The following AK3 variants were observed in gnomAD, a reference collection of about 807,000 sequenced individuals.
AK3 encodes GTP:AMP phosphotransferase AK3, mitochondrial.
A neutral mutation model predicts 23.7 loss-of-function variants in AK3; 27 were observed. That is an observed-to-expected ratio of 1.14 (90% CI 0.84 to 1.57). The LOEUF (loss-of-function observed/expected upper bound fraction) is 1.57. AK3 is among the 40% of genes most tolerant of loss of function. The pLI is 0.00. For synonymous variants in AK3, 159 were observed against 116.0 expected, an observed-to-expected ratio of 1.37 and a Z score of -2.38; for missense variants, 406 against 285.6, an observed-to-expected ratio of 1.42 and a Z score of -3.04.
chr9:4,733,848 G>C (rs1026226809), intron 1 of AK3, among the ~76,000 whole-genome samples: 1 of 152,112 alleles, frequency 6.6e-6, no homozygotes, highest in Admixed American at 6.5e-5. Context: ...CGCATGGTAA[G>C]CTCTTATTGA....
Position 4,712,807 on chromosome 9 carries a change from T to C in AK3, c.*169A>G. The C allele has an allele frequency of 1.5e-6, 1 of 671,916 alleles. No homozygotes were observed. The highest frequency in any genetic ancestry group is 2.3e-6 in the Non-Finnish European group (1 of 433,326). 41.6% of individuals were successfully genotyped at this position (671,916 alleles called of 1,614,324 possible). A position where few individuals can be genotyped will look rare whatever the true frequency, so the allele number is the denominator to read the frequency against. On this transcript the variant is annotated 3_prime_UTR_variant, in exon 5 of 5. Coordinates refer to ENST00000381809, the MANE Select transcript of AK3 (RefSeq NM_016282.4). Reference sequence around the variant, plus strand: ...TGATTTCAAACGATGCATCTTAGTATCCGAATCATTTGGCACATCCTTAGT... The same window carrying C: ...TGATTTCAAACGATGCATCTTAGTACCCGAATCATTTGGCACATCCTTAGT...
intron 1 of AK3, among the ~76,000 whole-genome samples, chr9:4,728,542 G>A (rs1276369267): frequency 6.6e-6 from 1 of 152,194 alleles, no homozygotes; most frequent in Non-Finnish European, 1.5e-5. Flanking sequence ...CTGCACTCCA[G>A]CCTGGGCAAC....
At chr9:4,722,326 C>G (rs574764553) in intron 2 of AK3, among the ~76,000 whole-genome samples, 180 bp downstream of exon 2, 1 of 152,214 alleles carries the variant, frequency 6.6e-6, no homozygotes, top group Non-Finnish European at 1.5e-5. Flanking sequence ...CACTTCACTT[C>G]CCTCTTTCCA....
At chr9:4,735,080 A>G (rs1365908254) in intron 1 of AK3, among the ~76,000 whole-genome samples, 2 of 151,412 alleles carry the variant, frequency 1.3e-5, no homozygotes, top group East Asian at 3.9e-4. Context: ...TCTAAAATTG[A>G]TTATTAAAGA....
chr9:4,727,914 G>A lies in AK3; in HGVS notation c.152-5289C>T, dbSNP rs1272012813. On this transcript the variant is annotated intron_variant, in intron 1 of 4. Coordinates refer to ENST00000381809, the MANE Select transcript of AK3 (RefSeq NM_016282.4). Reference sequence around the variant, plus strand: ...AATTTCAATATTGTTGTGTCTCAGGGAATAGGGAAGCTCGAGGAGAGAGAG... The same window carrying A: ...AATTTCAATATTGTTGTGTCTCAGGAAATAGGGAAGCTCGAGGAGAGAGAG... Among the ~76,000 whole-genome samples the A allele has an allele frequency of 2.3e-4, 35 of 152,258 alleles. No individual in the cohort carries two copies. The East Asian group carries it at 6.0e-3, about 26-fold the overall frequency.
At chr9:4,715,036 T>C (rs1053551289) in intron 4 of AK3, among the ~76,000 whole-genome samples, 3 of 151,980 alleles carry the variant, frequency 2.0e-5, no homozygotes, top group East Asian at 3.9e-4. Context: ...CTGGCCAACA[T>C]GGCGAAACCC....
In AK3 at chr9:4,709,724, A is replaced by T. The variant is rs971585595; in HGVS notation, c.*3252T>A. 1 of 152,232 alleles carries T rather than the reference A, an allele frequency of 6.6e-6. No individual in the cohort carries two copies. The highest frequency in any genetic ancestry group is 2.4e-5 in the African/African-American group (1 of 41,460). The allele number at this position is 152,232 out of a possible 1,614,324, so 9.4% of individuals were successfully genotyped here. A position where few individuals can be genotyped will look rare whatever the true frequency, so the allele number is the denominator to read the frequency against. On this transcript the variant is annotated 3_prime_UTR_variant, in exon 5 of 5. Transcript: ENST00000381809. ...CACAGCTACACTATTTTAACTGTTT[A>T]AAAATTTTTTAACCATAACTTCCAA...
chr9:4,737,737 T>C (rs184694831), intron 1 of AK3, among the ~76,000 whole-genome samples: 2 of 152,046 alleles, frequency 1.3e-5, no homozygotes, highest in East Asian at 3.9e-4. Flanking sequence ...TAAAATACAA[T>C]AAAAGAGAGG....
At chr9:4,713,950 G>GCCTCCACATATACA (rs1841633251) in intron 4 of AK3, among the ~76,000 whole-genome samples, 1 of 1,858 alleles carries the variant, frequency 5.4e-4, no homozygotes, top group African/African-American at 2.0e-3. Context: ...ACATATACAC[G>GCCTCCACATATACA]CCTACACATA....
rs57364192 is a variant in AK3 at position 4,728,866 on chromosome 9, T to TACACACAC, written c.152-6249_152-6242dup. Among the ~76,000 whole-genome samples, 155 of 87,876 alleles carry TACACACAC rather than the reference T, an allele frequency of 1.8e-3. 1 individual carries two copies. Among genetic ancestry groups the TACACACAC allele is most frequent in the South Asian group, 7.3e-3 (18 of 2,458 alleles). The allele number at this position is 87,876 out of a possible 152,430, so 57.7% of individuals were successfully genotyped here. ...ATATATATATATATATATATATATA[T>TACACACAC]ACACACACACACACACATACATATA... On this transcript the variant is annotated intron_variant, in intron 1 of 4. Coordinates refer to ENST00000381809, the MANE Select transcript of AK3 (RefSeq NM_016282.4).
chr9:4,739,012 G>A (rs2130918635), intron 1 of AK3, among the ~76,000 whole-genome samples: 1 of 151,974 alleles, frequency 6.6e-6, no homozygotes, highest in East Asian at 1.9e-4. Context: ...GACCTCAAGT[G>A]ACCTGCCCGA....
At chr9:4,722,686 T>A in intron 1 of AK3, 61 bp from the exon 2 acceptor site, 1 of 1,604,706 alleles carries the variant, frequency 6.2e-7, no homozygotes, top group Non-Finnish European at 8.5e-7. Flanking sequence ...TCCAGGCACC[T>A]CGGAACGAGT....
In AK3 at chr9:4,725,641, T is replaced by C. The variant is rs1047698691; in HGVS notation, c.152-3016A>G. Among the ~76,000 whole-genome samples, 79 of 152,120 alleles carry C rather than the reference T, an allele frequency of 5.2e-4. 1 individual carries two copies. Among genetic ancestry groups the C allele is most frequent in the African/African-American group, 1.9e-3 (79 of 41,514 alleles). ...GAAAAGAAAAGAAGTGAAAAGACAA[T>C]GCATAGCATGGGATGGAAGAAAAAT... On this transcript the variant is annotated intron_variant, in intron 1 of 4. Coordinates refer to ENST00000381809, the MANE Select transcript of AK3 (RefSeq NM_016282.4).
At chr9:4,737,652 G>C (rs1019455874) in intron 1 of AK3, among the ~76,000 whole-genome samples, 1 of 152,182 alleles carries the variant, frequency 6.6e-6, no homozygotes, top group Non-Finnish European at 1.5e-5. Flanking sequence ...CCAGGAGTCG[G>C]AGGTCGCAGT....
Position 4,710,984 on chromosome 9 carries a change from CTAAG to C in AK3, c.*1988_*1991del, listed in dbSNP as rs926279573. The C allele has an allele frequency of 1.3e-5, 2 of 152,128 alleles. No individual in the cohort carries two copies. Among genetic ancestry groups the C allele is most frequent in the Non-Finnish European group, 2.9e-5 (2 of 68,020 alleles). 9.4% of individuals were successfully genotyped at this position (152,128 alleles called of 1,614,324 possible). On this transcript the variant is annotated 3_prime_UTR_variant, in exon 5 of 5. Transcript: ENST00000381809. Reference sequence around the variant, plus strand: ...ATGAATGTATGTGCAAAACTTTGGGCTAAGTGTTTGCGGGTGGGGAGGGAATGGT... The same window carrying C: ...ATGAATGTATGTGCAAAACTTTGGGCTGTTTGCGGGTGGGGAGGGAATGGT...
At chr9:4,733,781 A>T (rs1263339759) in intron 1 of AK3, among the ~76,000 whole-genome samples, 2 of 152,124 alleles carry the variant, frequency 1.3e-5, no homozygotes, top group Non-Finnish European at 1.5e-5. Flanking sequence ...TCACCCTGAA[A>T]CCACACCCCC....
At position 4,709,707 on chromosome 9, in the gene AK3, C is replaced by G. The variant is rs1841499405; in HGVS notation, c.*3269G>C. 6.6e-6 allele frequency: 1 copy of G among 152,176 alleles called. No homozygotes were observed. The highest frequency in any genetic ancestry group is 6.5e-5 in the Admixed American group (1 of 15,282). 9.4% of individuals were successfully genotyped at this position (152,176 alleles called of 1,614,324 possible). A position where few individuals can be genotyped will look rare whatever the true frequency, so the allele number is the denominator to read the frequency against. The stretch of plus-strand genomic sequence containing the variant: ...TTACCAGAAGCTTTAAGCACAGCTA[C>G]ACTATTTTAACTGTTTAAAAATTTT... On this transcript the variant is annotated 3_prime_UTR_variant, in exon 5 of 5. Transcript: ENST00000381809.
intron 1 of AK3, among the ~76,000 whole-genome samples, chr9:4,727,330 C>T (rs4484749): frequency 0.5 from 75,494 of 152,056 alleles, 20,115 homozygotes; most frequent in East Asian, 0.74. Context: ...AAGGCTGTTT[C>T]GTTTACATTG....
At chr9:4,720,332 T>C (rs942435446) in intron 2 of AK3, among the ~76,000 whole-genome samples, 1 of 152,190 alleles carries the variant, frequency 6.6e-6, no homozygotes. Context: ...ACTAAGGACA[T>C]TTTGTCCAGA....
Sources: allele counts gnomAD v4.1 joint callset (sites outside exome capture counted in the v4.1 genomes callset), GRCh38; gene constraint gnomAD v4.1.1; transcripts MANE v1.5; gene names NCBI Gene and HGNC (gene_info 2026-07-23, HGNC 2026-07-21).